Variants in BCL3 observed in about 807,000 individuals in gnomAD.
BCL3 encodes BCL3 transcription coactivator, also known as B-cell lymphoma 3 protein.
Under a neutral mutation model 35.7 loss-of-function variants are expected in BCL3, and 15 were observed. The ratio of observed to expected loss-of-function variants is 0.42; its 90% CI spans 0.28 to 0.65. BCL3 has a LOEUF of 0.65. BCL3 is among the 30% of genes least tolerant of loss of function. BCL3 has a pLI of 0.22. For synonymous variants in BCL3, 311 were observed against 284.3 expected (o/e 1.09, Z -0.95); for missense variants, 565 against 641.7 (o/e 0.88, Z 1.29).
chr19:44,758,263 C>T lies in BCL3; in HGVS notation c.909C>T (p.Asn303=), dbSNP rs34401216. Residue 303 remains asparagine (N), a synonymous_variant, in exon 7 of 9, where the codon AAC becomes AAT. Transcript: ENST00000164227. ...TCCCGCAGCACGGCGCCAACGTGAA[C>T]GCGCAAATGTACTCCGGCAGCTCCG... The part of the protein sequence containing the change: ...QLLLQHGANV[N]AQMYSGSSAL... 9.1e-3 allele frequency: 13,672 copies of T among 1,502,822 alleles called. 71 individuals are homozygous for T. The highest frequency in any genetic ancestry group is 0.012 in the Middle Eastern group (48 of 4,076). The allele number at this position is 1,502,822 out of a possible 1,614,324, so 93.1% of individuals were successfully genotyped here.
At chr19:44,748,301 A>G (rs1967103910), upstream of BCL3, among the ~76,000 whole-genome samples, 1 of 152,152 alleles carries the variant, frequency 6.6e-6, no homozygotes, top group African/African-American at 2.4e-5. Flanking sequence ...TTGCGGAGAG[A>G]AACACCTACT....
intron 7 of BCL3, 144 bp from the exon 8 acceptor site, chr19:44,758,580 C>A: frequency 7.9e-7 from 1 of 1,263,740 alleles, no homozygotes; most frequent in Non-Finnish European, 1.1e-6. Context: ...TGAGGAGAGA[C>A]TGGCACCAAG....
rs1967308114 is a variant in BCL3, at chr19:44,757,200, C to G, written c.703C>G (p.Leu235Val). Residue 235 changes from leucine to valine, a missense_variant, in exon 4 of 9, where the codon CTG (leucine) becomes GTG (valine). By Grantham distance (32) the Leu-to-Val change is conservative. Around this residue, in one of 5 missense-constraint regions of BCL3, gnomAD observed 103 missense variants for 106.7 expected, o/e 0.97. Transcript: ENST00000164227. The surrounding 1 kb of genome is among the most constrained non-coding windows in gnomAD (Gnocchi z 8.4). ...LDSAAPGTLDLEARNYDGLTA... is the reference protein window; with the variant it reads ...LDSAAPGTLDVEARNYDGLTA... ...CAGCGCAGCTCCGGGCACGTTGGAC[C>G]TGGAGGCCCGCAATTATGACGGTAA... 3.2e-6 allele frequency: 5 copies of G among 1,558,672 alleles called. No individual in the cohort carries two copies. The highest frequency in any genetic ancestry group is 3.4e-4 in the Middle Eastern group (2 of 5,948).
chr19:44,759,593 C>T lies in BCL3; in HGVS notation c.1343C>T (p.Ser448Phe). Residue 448 changes from serine (S) to phenylalanine (F), a missense_variant, in exon 9 of 9, where the codon TCC becomes TTC. Physicochemically the swap from Ser to Phe is radical, Grantham distance 155. This residue lies in a region of BCL3 where 151 missense variants were observed against 138.1 expected (regional missense o/e 1.09). Coordinates refer to ENST00000164227, the MANE Select transcript of BCL3 (RefSeq NM_005178.5). ...GGCCCTGGCCGGCCGGTGCCCCCCT[C>T]CCCAGCTCCAGGAGGCAGCTGAGGG... ...LRGPGRPVPP[S>F]PAPGGS 1.2e-6 allele frequency: 2 copies of T among 1,607,258 alleles called. No individual in the cohort carries two copies. Among genetic ancestry groups the T allele is most frequent in the Non-Finnish European group, 8.5e-7 (1 of 1,178,608 alleles).
intron 1 of BCL3, among the ~76,000 whole-genome samples, chr19:44,750,903 A>G (rs1414160178): frequency 2.6e-5 from 4 of 152,210 alleles, no homozygotes; most frequent in Admixed American, 2.0e-4. Flanking sequence ...ATCACTCTGC[A>G]GACAGTCCCT....
chr19:44,747,870 G>A (rs1967094322), upstream of BCL3: 2 of 1,144,104 alleles, frequency 1.7e-6, no homozygotes, highest in Admixed American at 4.5e-5. Flanking sequence ...GTGCCCCGCG[G>A]GCCCCGGCTG....
upstream of BCL3, chr19:44,747,881 G>T: frequency 8.7e-7 from 1 of 1,143,734 alleles, no homozygotes; most frequent in Non-Finnish European, 1.1e-6. Context: ...GCCCCGGCTG[G>T]GGGCAGGGCC....
chr19:44,752,585 TC>T (rs1451018629), intron 2 of BCL3, among the ~76,000 whole-genome samples: 1 of 152,112 alleles, frequency 6.6e-6, no homozygotes, highest in East Asian at 1.9e-4. Flanking sequence ...AATTTGAAGA[TC>T]CCCTAAATTG....
At chr19:44,749,749 T>C (rs1251804304) in intron 1 of BCL3, among the ~76,000 whole-genome samples, 28 of 152,008 alleles carry the variant, frequency 1.8e-4, no homozygotes, top group Non-Finnish European at 4.1e-4. Context: ...AGGGTCCTAT[T>C]TGAGGTCAAG....
intron 7 of BCL3, 26 bp downstream of exon 7, chr19:44,758,439 C>T (rs1390881982): frequency 6.5e-7 from 1 of 1,532,422 alleles, no homozygotes; most frequent in Non-Finnish European, 8.8e-7. Flanking sequence ...TGTGGACATG[C>T]CCCTTGCACA....
At chr19:44,759,155 ACCCTCCTCCCTCAGACCTCAGC>A (rs1488687591) in intron 8 of BCL3, among the ~76,000 whole-genome samples, 1 of 71,186 alleles carries the variant, frequency 1.4e-5, no homozygotes, top group Non-Finnish European at 2.8e-5. Flanking sequence ...AGATTTCCAG[ACCCTCCTCCCTCAGACCTCAGC>A]CCCTCCTCCC....
At chr19:44,748,216 A>T, upstream of BCL3, 1 of 542,752 alleles carries the variant, frequency 1.8e-6, no homozygotes, top group Admixed American at 3.3e-5. Flanking sequence ...TGAGAGGCAG[A>T]GAGATGGTGA....
rs774348285 is a variant in BCL3 at position 44,751,286 on chromosome 19, C to G, written c.316C>G (p.Leu106Val). The G allele has an allele frequency of 2.5e-6, 4 of 1,610,342 alleles. No individual in the cohort carries two copies. In the African/African-American group the frequency reaches 5.4e-5, roughly 22 times the overall value. The change falls in exon 2 of 9, where the codon CTG (leucine) becomes GTG (valine). Residue 106 changes from leucine to valine, a missense_variant. Leu to Val is a conservative substitution (Grantham distance 32, BLOSUM62 1). This residue lies in a region of BCL3 where 267 missense variants were observed against 281.5 expected (regional missense o/e 0.95). Transcript: ENST00000164227. ...GGGCTCCCCGTTTCCTCTGGTGAAC[C>G]TGCCTACACCCCTATACCCCATGAT... ...AMGSPFPLVN[L>V]PTPLYPMMCP...
intron 2 of BCL3, among the ~76,000 whole-genome samples, chr19:44,752,288 T>C (rs1002842004): frequency 2.0e-5 from 3 of 151,552 alleles, no homozygotes; most frequent in Admixed American, 1.3e-4. Context: ...GCAGCCTTGA[T>C]CTCTTGGGCT....
Position 44,751,278 on chromosome 19 carries a change from T to C in BCL3, c.308T>C (p.Leu103Pro), listed in dbSNP as rs1410557354. The C allele has an allele frequency of 6.2e-7, 1 of 1,611,404 alleles. No homozygotes were observed. Among genetic ancestry groups the C allele is most frequent in the South Asian group, 1.1e-5 (1 of 90,750 alleles). ...PTRAMGSPFP[L>P]VNLPTPLYPM... ...CGGGCCATGGGCTCCCCGTTTCCTC[T>C]GGTGAACCTGCCTACACCCCTATAC... The change falls in exon 2 of 9, where the codon CTG (leucine) becomes CCG (proline). Residue 103 changes from leucine to proline, a missense_variant. Leu to Pro is a moderately conservative substitution (Grantham distance 98, BLOSUM62 -3). Coordinates refer to ENST00000164227, the MANE Select transcript of BCL3 (RefSeq NM_005178.5).
intron 8 of BCL3, 49 bp downstream of exon 8, chr19:44,758,890 C>G: frequency 3.5e-6 from 5 of 1,435,334 alleles, no homozygotes; most frequent in Non-Finnish European, 4.7e-6. Context: ...TCCCTCAGAC[C>G]CAGGAATCCC....
In BCL3 at chr19:44,756,269, G is replaced by A; in HGVS notation, c.448G>A (p.Ala150Thr). 6.4e-7 allele frequency: 1 copy of A among 1,555,522 alleles called. No individual in the cohort carries two copies. The highest frequency in any genetic ancestry group is 8.7e-7 in the Non-Finnish European group (1 of 1,147,896). ...TGCTGTGGTGCAGGGTAACCTGCCA[G>A]CTGTGCACCGGCTGGTCAACCTCTT... The part of the protein sequence containing the change: ...HIAVVQGNLP[A>T]VHRLVNLFQQ... The change falls in exon 3 of 9, where the codon GCT becomes ACT. Residue 150 changes from alanine to threonine, a missense_variant. Physicochemically the swap from Ala to Thr is moderately conservative, Grantham distance 58 (BLOSUM62 0). Coordinates refer to ENST00000164227, the MANE Select transcript of BCL3 (RefSeq NM_005178.5).
chr19:44,748,618 G>C (rs1599835738), upstream of BCL3: 1 of 778,464 alleles, frequency 1.3e-6, no homozygotes, highest in Non-Finnish European at 1.6e-6. Flanking sequence ...CCCCTGGGGC[G>C]TACGGGTGGC....
In BCL3 at chr19:44,757,180, C is replaced by T. The variant is rs1468307705; in HGVS notation, c.683C>T (p.Ala228Val). ...PTCLRALLDS[A>V]APGTLDLEAR... ...TGCCTGCGAGCCCTGCTGGACAGCG[C>T]AGCTCCGGGCACGTTGGACCTGGAG... is the stretch of plus-strand genomic sequence containing the variant. Residue 228 changes from alanine (A) to valine (V), a missense_variant, in exon 4 of 9, where the codon GCA becomes GTA. By Grantham distance (64) the Ala-to-Val change is moderately conservative. Around this residue, in one of 5 missense-constraint regions of BCL3, gnomAD observed 103 missense variants for 106.7 expected, o/e 0.97. Transcript: ENST00000164227. The surrounding 1 kb of genome is among the most constrained non-coding windows in gnomAD (Gnocchi z 8.4). The T allele has an allele frequency of 6.4e-7, 1 of 1,572,474 alleles. No individual in the cohort carries two copies. Among genetic ancestry groups the T allele is most frequent in the Non-Finnish European group, 8.6e-7 (1 of 1,157,466 alleles).
Sources: gnomAD v4.1 joint callset for allele counts (sites outside exome capture counted in the v4.1 genomes callset) on GRCh38, gnomAD v4.1.1 for gene constraint, gnomAD v4.1.1 regional missense constraint, Gnocchi (gnomAD v3.1) non-coding constraint, MANE v1.5 for transcripts, NCBI Gene and HGNC (gene_info 2026-07-23, HGNC 2026-07-21) for gene names.